The following WDFY4 variants were observed in gnomAD, a reference collection of about 807,000 sequenced individuals.
WDFY4 encodes WDFY family member 4.
A neutral mutation model predicts 351.9 loss-of-function variants in WDFY4; 169 were observed. That is an observed-to-expected ratio of 0.48 (90% CI 0.42 to 0.55). The LOEUF (loss-of-function observed/expected upper bound fraction) is 0.55. Among genes scored for constraint, WDFY4 ranks in the 20% least tolerant of loss-of-function variants. The pLI is 0.00. For missense variants in WDFY4, 3,803 were observed against 3,935.6 expected, an observed-to-expected ratio of 0.97 and a Z score of 0.90; for synonymous variants, 1,622 against 1,574.6, an observed-to-expected ratio of 1.03 and a Z score of -0.71.
At chr10:48,919,797 A>G (rs1838886062) in intron 47 of WDFY4, among the ~76,000 whole-genome samples, 2 of 152,224 alleles carry the variant, frequency 1.3e-5, no homozygotes, top group Admixed American at 1.3e-4. Context: ...GAGTTTCAAT[A>G]CAGATTTTTG....
intron 5 of WDFY4, among the ~76,000 whole-genome samples, chr10:48,724,310 G>A (rs1294024920): frequency 2.0e-5 from 3 of 152,092 alleles, no homozygotes; most frequent in Non-Finnish European, 2.9e-5. Flanking sequence ...ATTCCCAAAT[G>A]CAGCTGTCCA....
At chr10:48,977,375 A>G (rs1442511375) in intron 59 of WDFY4, among the ~76,000 whole-genome samples, 1 of 151,954 alleles carries the variant, frequency 6.6e-6, no homozygotes, top group East Asian at 1.9e-4. Flanking sequence ...CTCTCTACTC[A>G]TCTACCCACC....
intron 42 of WDFY4, among the ~76,000 whole-genome samples, chr10:48,876,133 C>T (rs1185948898): frequency 2.0e-5 from 3 of 152,192 alleles, no homozygotes; most frequent in Admixed American, 2.0e-4. Flanking sequence ...GAGTAGGGAG[C>T]TCAGCCAAAG....
At chr10:48,722,239 C>T (rs556950425) in intron 4 of WDFY4, among the ~76,000 whole-genome samples, 1 of 152,304 alleles carries the variant, frequency 6.6e-6, no homozygotes, top group South Asian at 2.1e-4. Context: ...AGGTGAACTG[C>T]CTGCATCACT....
chr10:48,824,576 C>A (rs1423076868), intron 35 of WDFY4, among the ~76,000 whole-genome samples: 2 of 152,146 alleles, frequency 1.3e-5, no homozygotes, highest in African/African-American at 2.4e-5. Context: ...CTTGATTGAT[C>A]ATTTCCTTAA....
At chr10:48,916,744 T>A (rs12248022) in intron 47 of WDFY4, among the ~76,000 whole-genome samples, 17,786 of 152,220 alleles carry the variant, frequency 0.12, 2,673 homozygotes, top group African/African-American at 0.35. Context: ...CTGAGCTGCC[T>A]CTGTTTAAAG....
At chr10:48,870,501 T>C (rs1028437363) in intron 40 of WDFY4, among the ~76,000 whole-genome samples, 1 of 151,296 alleles carries the variant, frequency 6.6e-6, no homozygotes, top group African/African-American at 2.4e-5. Context: ...GCTATGATCA[T>C]GCCACTGCTT....
chr10:48,973,464 A>T (rs1842421052), intron 57 of WDFY4, among the ~76,000 whole-genome samples: 1 of 152,252 alleles, frequency 6.6e-6, no homozygotes, highest in African/African-American at 2.4e-5. Context: ...ATGACCGGGC[A>T]AAGTGACAGC....
intron 52 of WDFY4, among the ~76,000 whole-genome samples, chr10:48,958,824 G>A (rs556678164): frequency 6.6e-6 from 1 of 152,172 alleles, no homozygotes; most frequent in Non-Finnish European, 1.5e-5. Flanking sequence ...CTGGTCCTCA[G>A]GAAGGACCTG....
At chr10:48,971,941 C>T (rs1842356509) in intron 57 of WDFY4, among the ~76,000 whole-genome samples, 2 of 152,202 alleles carry the variant, frequency 1.3e-5, no homozygotes, top group South Asian at 4.1e-4. Context: ...GCCCTGGGGA[C>T]TGTACATAGT....
intron 37 of WDFY4, 126 bp from the exon 38 acceptor site, chr10:48,830,573 TG>T (rs1360477855): frequency 2.3e-5 from 24 of 1,046,338 alleles, no homozygotes; most frequent in Middle Eastern, 3.2e-4. Flanking sequence ...CTTGCAAAGC[TG>T]GGGTGATGTT....
chr10:48,688,189 C>T (rs78687193), intron 1 of WDFY4, among the ~76,000 whole-genome samples: 1,815 of 152,222 alleles, frequency 0.012, 39 homozygotes, highest in African/African-American at 0.042. Context: ...TTTGTCTAAC[C>T]CTTTGACAAT....
chr10:48,838,921 T>C (rs1309140620), intron 39 of WDFY4, among the ~76,000 whole-genome samples: 14 of 152,164 alleles, frequency 9.2e-5, no homozygotes. Context: ...CATGTTTGTG[T>C]TTGTCTCCTG....
chr10:48,785,111 C>T (rs1345895713), intron 19 of WDFY4, among the ~76,000 whole-genome samples: 3 of 152,148 alleles, frequency 2.0e-5, no homozygotes, highest in South Asian at 2.1e-4. Flanking sequence ...CCGCCTGCCT[C>T]GGCCTCCCAA....
At chr10:48,788,488 T>A in intron 20 of WDFY4, 42 bp from the exon 21 acceptor site, 2 of 1,539,838 alleles carry the variant, frequency 1.3e-6, no homozygotes, top group Non-Finnish European at 1.8e-6. Context: ...TTTCCTGCTC[T>A]GTAAAGTTAG....
intron 44 of WDFY4, among the ~76,000 whole-genome samples, chr10:48,891,889 T>A (rs1053642179): frequency 1.3e-5 from 2 of 152,168 alleles, no homozygotes; most frequent in East Asian, 3.8e-4. Flanking sequence ...GTTGAAGGAG[T>A]GCGGAAGAGT....
At chr10:48,834,587 C>A (rs755117818) in intron 39 of WDFY4, among the ~76,000 whole-genome samples, 16 of 152,226 alleles carry the variant, frequency 1.1e-4, no homozygotes, top group Non-Finnish European at 2.2e-4. Flanking sequence ...CACTTGTGCC[C>A]ATATACCTGC....
chr10:48,897,369 G>A, intron 44 of WDFY4, 85 bp from the exon 45 acceptor site: 1 of 1,502,910 alleles, frequency 6.7e-7, no homozygotes, highest in Non-Finnish European at 8.9e-7. Context: ...GGTGGAGCTG[G>A]TGGAGGGCAG....
chr10:48,758,116 T>C (rs553346920), intron 12 of WDFY4, among the ~76,000 whole-genome samples: 3 of 152,310 alleles, frequency 2.0e-5, no homozygotes, highest in South Asian at 2.1e-4. Context: ...AGTATTATTC[T>C]TAGAACAAGT....
Sources: gnomAD v4.1 joint callset for allele counts (sites outside exome capture counted in the v4.1 genomes callset) on GRCh38, gnomAD v4.1.1 for gene constraint, MANE v1.5 for transcripts, NCBI Gene and HGNC (gene_info 2026-07-23, HGNC 2026-07-21) for gene names.